DAGLB: variants seen among roughly 807,000 people sequenced by gnomAD.
DAGLB encodes diacylglycerol lipase beta, also known as diacylglycerol lipase-beta.
In DAGLB, 66 loss-of-function variants were observed where a neutral mutation model predicts 72.1. That is an observed-to-expected ratio of 0.92 (90% CI 0.75 to 1.12). DAGLB has a LOEUF of 1.12. DAGLB is among the 50% of genes most tolerant of loss of function. The probability of loss-of-function intolerance (pLI) is 0.00; values close to 1 mark genes in which losing one functional copy is unlikely to be tolerated. For missense variants in DAGLB, 1,065 were observed against 884.9 expected, an observed-to-expected ratio of 1.20 and a Z score of -2.58; for synonymous variants, 414 against 359.5, an observed-to-expected ratio of 1.15 and a Z score of -1.71.
At chr7:6,431,723 G>C (rs1259767306) in intron 5 of DAGLB, among the ~76,000 whole-genome samples, 1 of 152,138 alleles carries the variant, frequency 6.6e-6, no homozygotes, top group Non-Finnish European at 1.5e-5. Context: ...AGTGAGCCAA[G>C]ATCATGCCAT....
intron 9 of DAGLB, among the ~76,000 whole-genome samples, chr7:6,420,471 A>C (rs1583285915): frequency 6.6e-6 from 1 of 151,768 alleles, no homozygotes. Context: ...CAGGCCACTG[A>C]CAAAAGGACA....
chr7:6,445,776 C>T lies in DAGLB; in HGVS notation c.247+177G>A, dbSNP rs1583305618. ...CTGTGTCCCGCCTGGTACAGGATTTCTTTCAGGAGTGAAGAAAATGGTATA... is the reference window on the plus strand; with the variant it reads ...CTGTGTCCCGCCTGGTACAGGATTTTTTTCAGGAGTGAAGAAAATGGTATA... On this transcript the variant is annotated intron_variant, in intron 2 of 14. Coordinates refer to ENST00000297056, the MANE Select transcript of DAGLB (RefSeq NM_139179.4). The T allele has an allele frequency of 4.4e-6, 3 of 686,562 alleles. No homozygotes were observed. The East Asian group carries it at 9.4e-5, about 22-fold the overall frequency. The allele number at this position is 686,562 out of a possible 1,614,324, so 42.5% of individuals were successfully genotyped here. A position where few individuals can be genotyped will look rare whatever the true frequency, so the allele number is the denominator to read the frequency against.
chr7:6,418,657 AG>A (rs1783998054), intron 9 of DAGLB, among the ~76,000 whole-genome samples: 1 of 139,488 alleles, frequency 7.2e-6, no homozygotes, highest in African/African-American at 3.0e-5. Context: ...TCCAACTACA[AG>A]TTTCTTTTTT....
At position 6,416,660 on chromosome 7, in the gene DAGLB, C is replaced by T; in HGVS notation, c.1394G>A (p.Cys465Tyr). 1 of 1,613,534 alleles carries T rather than the reference C, an allele frequency of 6.2e-7. No homozygotes were observed. ...CCCCCGGGGTGGGGAGAAGGCGTAG[C>T]ACCTGACCTGCGGGTAGGCGGCTCT... The part of the protein sequence containing the change: ...MLRAAYPQVR[C>Y]YAFSPPRGLW... Residue 465 changes from cysteine (C) to tyrosine (Y), a missense_variant, in exon 11 of 15, where the codon TGC becomes TAC. By Grantham distance (194) the Cys-to-Tyr change is radical. Transcript: ENST00000297056.
chr7:6,430,282 T>TATATATATATATATATATATATATATA (rs1583294090), intron 6 of DAGLB, among the ~76,000 whole-genome samples, 198 bp downstream of exon 6: 1 of 105,798 alleles, frequency 9.5e-6, no homozygotes, highest in Non-Finnish European at 1.8e-5. Flanking sequence ...TATATATATA[T>TATATATATATATATATATATATATATA]GCAGGGGGGA....
At chr7:6,414,361 G>A (rs1299605266) in intron 11 of DAGLB, among the ~76,000 whole-genome samples, 3 of 149,652 alleles carry the variant, frequency 2.0e-5, no homozygotes, top group Non-Finnish European at 4.4e-5. Flanking sequence ...CACCCAGACT[G>A]GAGTGCAGTG....
rs1410334275 is a variant in DAGLB, at chr7:6,430,551, T to C, written c.858A>G (p.Ala286=). The C allele has an allele frequency of 1.9e-6, 3 of 1,604,180 alleles. No individual in the cohort carries two copies. The South Asian group carries it at 3.3e-5, about 18-fold the overall frequency. The change falls in exon 6 of 15, where the codon GCA becomes GCG. Residue 286 remains alanine (A), a synonymous_variant. Coordinates refer to ENST00000297056, the MANE Select transcript of DAGLB (RefSeq NM_139179.4). The stretch of plus-strand genomic sequence containing the variant: ...TGTAGAGGGGCCACCCATAGGCCGC[T>C]GCTGCAAACTGCATGTAATGATGGC... The part of the protein sequence containing the change: ...ENCHHYMQFA[A]AAYGWPLYIY...
intron 5 of DAGLB, among the ~76,000 whole-genome samples, chr7:6,430,856 A>G (rs1583294578): frequency 6.7e-6 from 1 of 150,338 alleles, no homozygotes; most frequent in African/African-American, 2.5e-5. Flanking sequence ...GCTCACTGCT[A>G]CCTCCGCCTC....
At chr7:6,445,323 A>C (rs1424822200) in intron 2 of DAGLB, among the ~76,000 whole-genome samples, 3 of 152,196 alleles carry the variant, frequency 2.0e-5, no homozygotes, top group Admixed American at 6.6e-5. Context: ...ACATGCTAAA[A>C]CATCGATGAA....
At chr7:6,423,483 G>T (rs1695464738) in intron 8 of DAGLB, among the ~76,000 whole-genome samples, 1 of 152,152 alleles carries the variant, frequency 6.6e-6, no homozygotes, top group African/African-American at 2.4e-5. Context: ...GAGTGCAATG[G>T]CGCAATCTCA....
intron 11 of DAGLB, among the ~76,000 whole-genome samples, chr7:6,413,832 G>A (rs546074376): frequency 6.6e-6 from 1 of 152,276 alleles, no homozygotes; most frequent in Non-Finnish European, 1.5e-5. Context: ...GTGTGCCACT[G>A]CGGGGTCATC....
intron 2 of DAGLB, 189 bp downstream of exon 2, chr7:6,445,764 G>A: frequency 1.6e-6 from 1 of 612,484 alleles, no homozygotes; most frequent in East Asian, 3.3e-5. Flanking sequence ...TGTCCCGCCT[G>A]GTACAGGATT....
chr7:6,443,249 TAA>T (rs60124255), intron 2 of DAGLB, among the ~76,000 whole-genome samples: 1,211 of 78,134 alleles, frequency 0.015, 16 homozygotes, highest in African/African-American at 0.049. Flanking sequence ...TTGTCTCTAC[TAA>T]AAAAAAAAAA....
rs189866218 is a variant in DAGLB at position 6,446,948 on chromosome 7, T to G, written c.95+800A>C. 3.2e-4 allele frequency among the ~76,000 whole-genome samples: 49 copies of G among 151,998 alleles called. 2 individuals are homozygous for G. In the East Asian group the frequency reaches 8.2e-3, roughly 26 times the overall value. ...TCGCTTGAGCCCAGGAGGTTGAGGC[T>G]GCAGTGAGTGGTGATCGCACCACTG... On this transcript the variant is annotated intron_variant, in intron 1 of 14. Coordinates refer to ENST00000297056, the MANE Select transcript of DAGLB (RefSeq NM_139179.4).
chr7:6,416,833 G>T lies in DAGLB; in HGVS notation c.1299+8C>A. On this transcript the variant is annotated splice_region_variant and intron_variant, in intron 10 of 14. Coordinates refer to ENST00000297056, the MANE Select transcript of DAGLB (RefSeq NM_139179.4). ...GGACAAGGAAAGAAACGTTAACTAA[G>T]ATCTCACAGGAGCAATGCTGAAGGC... 1 of 1,614,220 alleles carries T rather than the reference G, an allele frequency of 6.2e-7. No homozygotes were observed. Among genetic ancestry groups the T allele is most frequent in the East Asian group, 2.2e-5 (1 of 44,888 alleles).
At chr7:6,421,938 C>T in intron 8 of DAGLB, 134 bp from the exon 9 acceptor site, 1 of 993,348 alleles carries the variant, frequency 1.0e-6, no homozygotes, top group Non-Finnish European at 1.5e-6. Flanking sequence ...GGTCCTGGGA[C>T]TGAACCCTAA....
intron 6 of DAGLB, among the ~76,000 whole-genome samples, chr7:6,430,161 C>T (rs1010195841): frequency 1.1e-4 from 17 of 148,632 alleles, no homozygotes; most frequent in Admixed American, 2.0e-4. Flanking sequence ...GCTGAGATCA[C>T]GCCACTGCAC....
intron 1 of DAGLB, among the ~76,000 whole-genome samples, chr7:6,446,356 T>C (rs1006333693): frequency 2.0e-5 from 3 of 149,720 alleles, no homozygotes; most frequent in African/African-American, 7.4e-5. Flanking sequence ...TGCGCACCTG[T>C]AGTCCCAGCT....
intron 2 of DAGLB, among the ~76,000 whole-genome samples, chr7:6,441,774 A>G (rs1784841810): frequency 6.6e-6 from 1 of 152,132 alleles, no homozygotes; most frequent in South Asian, 2.1e-4. Context: ...TGACAATTAA[A>G]CGAACATGTT....
Sources: gnomAD v4.1 joint callset for allele counts (sites outside exome capture counted in the v4.1 genomes callset) on GRCh38, gnomAD v4.1.1 for gene constraint, MANE v1.5 for transcripts, NCBI Gene and HGNC (gene_info 2026-07-23, HGNC 2026-07-21) for gene names.